IDH1: variants seen among roughly 807,000 people sequenced by gnomAD.
IDH1 encodes the protein isocitrate dehydrogenase [NADP] cytoplasmic.
In IDH1, 33 loss-of-function variants were observed where a neutral mutation model predicts 46.1. That is an observed-to-expected ratio of 0.72 (90% CI 0.54 to 0.96). The LOEUF (loss-of-function observed/expected upper bound fraction) is 0.96. IDH1 is among the 40% of genes least tolerant of loss of function. The pLI is 0.00. For synonymous variants in IDH1, 144 were observed against 172.8 expected (o/e 0.83, Z 1.31); for missense variants, 421 against 515.7 (o/e 0.82, Z 1.78).
At chr2:208,237,571 G>A (rs140439206) in intron 9 of IDH1, among the ~76,000 whole-genome samples, 48 of 152,012 alleles carry the variant, frequency 3.2e-4, no homozygotes, top group African/African-American at 9.9e-4. Context: ...CCCACAAACC[G>A]TTACATGTCC....
At position 208,248,758 on chromosome 2, in the gene IDH1, C is replaced by T. The variant is rs559796394; in HGVS notation, c.123-98G>A. 6.0e-5 allele frequency: 71 copies of T among 1,183,902 alleles called. No individual in the cohort carries two copies. The Middle Eastern group carries it at 8.8e-4, about 15-fold the overall frequency. 73.3% of individuals were successfully genotyped at this position (1,183,902 alleles called of 1,614,324 possible). On this transcript the variant is annotated intron_variant, in intron 3 of 9. Transcript: ENST00000345146. ...CATATAGAGCTCATTATGCAGAAAGCGAAGGCTCTGAGTACACCAAAATCT... is the reference window on the plus strand; with the variant it reads ...CATATAGAGCTCATTATGCAGAAAGTGAAGGCTCTGAGTACACCAAAATCT...
At chr2:208,240,914 G>A (rs761771730) in intron 7 of IDH1, among the ~76,000 whole-genome samples, 1 of 152,152 alleles carries the variant, frequency 6.6e-6, no homozygotes, top group Non-Finnish European at 1.5e-5. Flanking sequence ...CTTTAACCAG[G>A]TTGATCTACT....
chr2:208,247,053 C>G (rs1380415956), intron 4 of IDH1, among the ~76,000 whole-genome samples: 1 of 152,192 alleles, frequency 6.6e-6, no homozygotes, highest in Non-Finnish European at 1.5e-5. Flanking sequence ...CATCTACCTT[C>G]CCTTGCTTGG....
rs1687822234 is a variant in IDH1, at chr2:208,236,961, G to C, written c.*118C>G. 3.0e-6 allele frequency: 2 copies of C among 662,596 alleles called. No individual in the cohort carries two copies. The highest frequency in any genetic ancestry group is 5.4e-6 in the Non-Finnish European group (2 of 372,348). The allele number at this position is 662,596 out of a possible 1,614,324, so 41.0% of individuals were successfully genotyped here. A position where few individuals can be genotyped will look rare whatever the true frequency, so the allele number is the denominator to read the frequency against. On this transcript the variant is annotated 3_prime_UTR_variant, in exon 10 of 10. Transcript: ENST00000345146. ...AAACTTATAGAAAAGATAAACTCTG[G>C]CTTCTAAACAAATTACAAAATTGAT...
At chr2:208,243,364 C>T (rs1687955981) in intron 6 of IDH1, 63 bp downstream of exon 6, 2 of 1,205,074 alleles carry the variant, frequency 1.7e-6, no homozygotes, top group African/African-American at 1.5e-5. Context: ...GAGATACATA[C>T]TCTATATGCA....
Position 208,251,577 on chromosome 2 carries a change from A to C in IDH1, c.-16-10T>G. 6.2e-7 allele frequency: 1 copy of C among 1,602,900 alleles called. No individual in the cohort carries two copies. Among genetic ancestry groups the C allele is most frequent in the Non-Finnish European group, 8.5e-7 (1 of 1,172,340 alleles). ...TTTGACTTCAATAAACCTAAAAAGA[A>C]AAAAAAAATACATGCCTTGTCATTT... On this transcript the variant is annotated splice_polypyrimidine_tract_variant and intron_variant, in intron 2 of 9. Coordinates refer to ENST00000345146, the MANE Select transcript of IDH1 (RefSeq NM_005896.4).
chr2:208,243,701 A>G (rs1186536140), intron 5 of IDH1, 97 bp from the exon 6 acceptor site: 1 of 939,934 alleles, frequency 1.1e-6, no homozygotes, highest in Admixed American at 1.9e-5. Flanking sequence ...CAAATGACCT[A>G]CTTCTCAGCT....
At chr2:208,254,311 C>A in intron 1 of IDH1, 1 of 153,478 alleles carries the variant, frequency 6.5e-6, no homozygotes. Context: ...ACGCCCGCCC[C>A]TCCCCTCCCC....
intron 8 of IDH1, among the ~76,000 whole-genome samples, 167 bp downstream of exon 8, chr2:208,239,696 C>A (rs1199095625): frequency 6.6e-6 from 1 of 152,194 alleles, no homozygotes; most frequent in Non-Finnish European, 1.5e-5. Context: ...AACAGAAAAG[C>A]AAATATTGTA....
At position 208,243,413 on chromosome 2, in the gene IDH1, A is replaced by C; in HGVS notation, c.698+14T>G. 1.3e-6 allele frequency: 2 copies of C among 1,591,892 alleles called. No individual in the cohort carries two copies. The highest frequency in any genetic ancestry group is 1.7e-6 in the Non-Finnish European group (2 of 1,160,358). On this transcript the variant is annotated intron_variant, in intron 6 of 9. Coordinates refer to ENST00000345146, the MANE Select transcript of IDH1 (RefSeq NM_005896.4). The stretch of plus-strand genomic sequence containing the variant: ...TTGAGAATAAAGAAAAAGTTAAAAA[A>C]GAACTATAGTTACTTGTCATATATC...
chr2:208,250,541 T>C (rs1688103565), intron 3 of IDH1, among the ~76,000 whole-genome samples: 1 of 152,210 alleles, frequency 6.6e-6, no homozygotes, highest in African/African-American at 2.4e-5. Flanking sequence ...GAGTTGCCAA[T>C]AGTTTGGCTG....
At chr2:208,248,697 C>A (rs1211239525) in intron 3 of IDH1, 37 bp from the exon 4 acceptor site, 1 of 1,577,268 alleles carries the variant, frequency 6.3e-7, no homozygotes, top group Non-Finnish European at 8.7e-7. Context: ...GTTTTTCAGA[C>A]AAATGGATAG....
At chr2:208,242,985 CG>C (rs1559360198) in intron 6 of IDH1, among the ~76,000 whole-genome samples, 1 of 151,984 alleles carries the variant, frequency 6.6e-6, no homozygotes, top group African/African-American at 2.4e-5. Flanking sequence ...AGGATGGTCT[CG>C]ATCTCCTGAC....
At chr2:208,253,392 A>C (rs1474492690) in intron 2 of IDH1, among the ~76,000 whole-genome samples, 1 of 152,142 alleles carries the variant, frequency 6.6e-6, no homozygotes, top group East Asian at 1.9e-4. Flanking sequence ...TCTGGATCTG[A>C]TTTCCATGGG....
Position 208,237,044 on chromosome 2 carries a change from A to AAAAG in IDH1, c.*31_*34dup, listed in dbSNP as rs1687823465. On this transcript the variant is annotated 3_prime_UTR_variant, in exon 10 of 10. Transcript: ENST00000345146. ...ATGTAAACCTGTAGACCTAGTTACC[A>AAAAG]AAAGACAATTATCCTTCTTAGCTCA... is the stretch of plus-strand genomic sequence containing the variant. 4 of 1,220,648 alleles carry AAAAG rather than the reference A, an allele frequency of 3.3e-6. No homozygotes were observed. Among genetic ancestry groups the AAAAG allele is most frequent in the African/African-American group, 1.5e-5 (1 of 67,028 alleles). The allele number at this position is 1,220,648 out of a possible 1,614,324, so 75.6% of individuals were successfully genotyped here.
Position 208,240,002 on chromosome 2 carries a change from C to G in IDH1, c.852G>C (p.Gly284=), listed in dbSNP as rs755404974. ...GDVQSDSVAQ[G]YGSLGMMTSV... is the part of the protein sequence containing the mutation. ...TGGTCATCATGCCGAGAGAGCCATA[C>G]CCTGTAAGTAGTGGAGCATGAAGCG... is the stretch of plus-strand genomic sequence containing the variant. Residue 284 remains glycine (G), a splice_region_variant and synonymous_variant, in exon 8 of 10, where the codon GGG becomes GGC. Coordinates refer to ENST00000345146, the MANE Select transcript of IDH1 (RefSeq NM_005896.4). 7 of 1,614,184 alleles carry G rather than the reference C, an allele frequency of 4.3e-6. No individual in the cohort carries two copies. In the South Asian group the frequency reaches 7.7e-5, roughly 18 times the overall value.
intron 7 of IDH1, among the ~76,000 whole-genome samples, chr2:208,241,093 A>T (rs1369524873): frequency 6.6e-6 from 1 of 152,236 alleles, no homozygotes; most frequent in East Asian, 1.9e-4. Context: ...TGCTGAGGAA[A>T]CCAGGCGCTG....
At position 208,251,502 on chromosome 2, in the gene IDH1, T is replaced by G; in HGVS notation, c.50A>C (p.Glu17Ala). ...CAATTCCCAAATGATTCGTGTCATT[T>G]CATCTCCTTGCATCTCTACCACAGA... ...GGSVVEMQGD[E>A]MTRIIWELIK... Residue 17 changes from glutamate (E) to alanine (A), a missense_variant, in exon 3 of 10, where the codon GAA (glutamate) becomes GCA (alanine). Physicochemically the swap from Glu to Ala is moderately radical, Grantham distance 107 (BLOSUM62 -1). Transcript: ENST00000345146. 6.2e-7 allele frequency: 1 copy of G among 1,613,974 alleles called. No homozygotes were observed. The highest frequency in any genetic ancestry group is 8.5e-7 in the Non-Finnish European group (1 of 1,179,882).
At chr2:208,237,764 CAAA>C (rs11433971) in intron 9 of IDH1, among the ~76,000 whole-genome samples, 10 of 97,598 alleles carry the variant, frequency 1.0e-4, no homozygotes, top group African/African-American at 3.4e-4. Flanking sequence ...ACTAAAAATA[CAAA>C]AAAAAAAAAA....
Sources: allele counts gnomAD v4.1 joint callset (sites outside exome capture counted in the v4.1 genomes callset), GRCh38; gene constraint gnomAD v4.1.1; transcripts MANE v1.5; gene names NCBI Gene and HGNC (gene_info 2026-07-23, HGNC 2026-07-21).